JPH3: variants seen among roughly 807,000 people sequenced by gnomAD.
JPH3 encodes junctophilin-3.
A neutral mutation model predicts 59.6 loss-of-function variants in JPH3; 11 were observed. That is an observed-to-expected ratio of 0.18 (90% CI 0.12 to 0.31). The LOEUF (loss-of-function observed/expected upper bound fraction) is 0.31. Among genes scored for constraint, JPH3 ranks in the 10% least tolerant of loss-of-function variants. JPH3 has a pLI of 1.00. For missense variants in JPH3, 1,202 were observed against 1,105.7 expected (o/e 1.09, Z -1.24); for synonymous variants, 673 against 483.6 (o/e 1.39, Z -5.14).
In JPH3 at chr16:87,689,744, CGCAAGG is replaced by C; in HGVS notation, c.1388_1393del (p.Lys463_Gly464del). 1 of 1,612,372 alleles carries C rather than the reference CGCAAGG, an allele frequency of 6.2e-7. No homozygotes were observed. The highest frequency in any genetic ancestry group is 8.5e-7 in the Non-Finnish European group (1 of 1,179,776). ...GCAGCAGGAGAGCCCCGAGCTGTAC[CGCAAGG>C]GCACCACTCCCTCCGACCTGACCCC... On this transcript the variant is annotated inframe_deletion, in exon 4 of 5. Coordinates refer to ENST00000284262, the MANE Select transcript of JPH3 (RefSeq NM_020655.4).
At chr16:87,689,240 G>A (rs747216627) in intron 3 of JPH3, among the ~76,000 whole-genome samples, 14 of 152,104 alleles carry the variant, frequency 9.2e-5, no homozygotes, top group Non-Finnish European at 2.1e-4. Flanking sequence ...TGCTGTGACA[G>A]CTCGGCCTCC....
At chr16:87,647,282 T>C (rs1253110622) in intron 2 of JPH3, among the ~76,000 whole-genome samples, 2 of 151,826 alleles carry the variant, frequency 1.3e-5, no homozygotes, top group African/African-American at 4.8e-5. Context: ...TGGGCACGGC[T>C]CCTACTGAGT....
intron 2 of JPH3, among the ~76,000 whole-genome samples, chr16:87,675,873 T>A (rs2150869449): frequency 6.6e-6 from 1 of 152,210 alleles, no homozygotes; most frequent in Admixed American, 6.5e-5. Context: ...CACCCCTTCC[T>A]CCAGGCTGCC....
intron 4 of JPH3, among the ~76,000 whole-genome samples, chr16:87,691,239 T>G (rs1382204766): frequency 6.6e-6 from 1 of 150,630 alleles, no homozygotes; most frequent in African/African-American, 2.4e-5. Context: ...TGGCCTCCCC[T>G]TGAAGGGACC....
chr16:87,625,783 G>A (rs574682620), intron 1 of JPH3, among the ~76,000 whole-genome samples: 2 of 152,286 alleles, frequency 1.3e-5, no homozygotes, highest in Non-Finnish European at 2.9e-5. Context: ...GGTTTACTGC[G>A]AGCCGTGGGG....
At chr16:87,690,817 G>A (rs760592203) in intron 4 of JPH3, among the ~76,000 whole-genome samples, 2 of 152,230 alleles carry the variant, frequency 1.3e-5, no homozygotes, top group African/African-American at 4.8e-5. Flanking sequence ...TGCGCTCCCC[G>A]CAACGTGCTC....
At chr16:87,671,133 G>C (rs2033003598) in intron 2 of JPH3, among the ~76,000 whole-genome samples, 1 of 152,172 alleles carries the variant, frequency 6.6e-6, no homozygotes, top group African/African-American at 2.4e-5. Flanking sequence ...TGTAACTTGT[G>C]TTAGGGAGTC....
rs201622335 is a variant in JPH3, at chr16:87,689,914, C to T, written c.1554C>T (p.Leu518=). 1 of 1,456,824 alleles carries T rather than the reference C, an allele frequency of 6.9e-7. No homozygotes were observed. The highest frequency in any genetic ancestry group is 1.9e-4 in the Middle Eastern group (1 of 5,340). The allele number at this position is 1,456,824 out of a possible 1,614,324, so 90.2% of individuals were successfully genotyped here. Residue 518 remains leucine, a synonymous_variant, in exon 4 of 5, where the codon CTC becomes CTT. Coordinates refer to ENST00000284262, the MANE Select transcript of JPH3 (RefSeq NM_020655.4). ...AGCGGGGCGGGGACATCCAGATGCTCCTGGAGGGCCGGGCCGGGGACTGCG... is the reference window on the plus strand; with the variant it reads ...AGCGGGGCGGGGACATCCAGATGCTTCTGGAGGGCCGGGCCGGGGACTGCG... ...DEERGGDIQM[L]LEGRAGDCAR... is the part of the protein sequence containing the mutation.
At chr16:87,667,900 T>C (rs79625515) in intron 2 of JPH3, among the ~76,000 whole-genome samples, 8,984 of 152,270 alleles carry the variant, frequency 0.059, 370 homozygotes, top group Non-Finnish European at 0.09. Context: ...TGGCTGCCAT[T>C]GGGCTGTGTT....
In JPH3 at chr16:87,618,096, G is replaced by A. The variant is rs1345014638; in HGVS notation, c.382+14568G>A. ...GGAGAATCACTTCAGCCCGGGAGGT[G>A]CAGGTTGCAGTGAGTTGAGATTGGG... is the stretch of plus-strand genomic sequence containing the variant. On this transcript the variant is annotated intron_variant, in intron 1 of 4. Coordinates refer to ENST00000284262, the MANE Select transcript of JPH3 (RefSeq NM_020655.4). Among the ~76,000 whole-genome samples the A allele has an allele frequency of 2.0e-5, 3 of 152,280 alleles. No homozygotes were observed. The South Asian group carries it at 6.2e-4, about 32-fold the overall frequency.
At chr16:87,630,840 C>T (rs1295102720) in intron 1 of JPH3, among the ~76,000 whole-genome samples, 8 of 152,142 alleles carry the variant, frequency 5.3e-5, no homozygotes, top group Admixed American at 5.2e-4. Flanking sequence ...ATCCCTTAGA[C>T]CCCCATTCTC....
intron 2 of JPH3, among the ~76,000 whole-genome samples, chr16:87,679,314 G>T (rs1187205869): frequency 6.6e-6 from 1 of 152,138 alleles, no homozygotes; most frequent in Non-Finnish European, 1.5e-5. Context: ...ATAAGAGAGG[G>T]GTCACCTGGA....
intron 1 of JPH3, among the ~76,000 whole-genome samples, chr16:87,622,116 G>T (rs2031207316): frequency 6.6e-6 from 1 of 152,142 alleles, no homozygotes; most frequent in Admixed American, 6.5e-5. Flanking sequence ...GGGCCCCTTT[G>T]GGGTGGAGGG....
intron 2 of JPH3, among the ~76,000 whole-genome samples, chr16:87,677,700 A>C (rs1295059763): frequency 6.6e-6 from 1 of 152,182 alleles, no homozygotes; most frequent in African/African-American, 2.4e-5. Flanking sequence ...GATCCAAAGG[A>C]ATTGGCTGGG....
intron 2 of JPH3, among the ~76,000 whole-genome samples, chr16:87,672,651 G>A (rs1334233156): frequency 6.6e-6 from 1 of 151,712 alleles, no homozygotes; most frequent in East Asian, 1.9e-4. Flanking sequence ...GGGTGACGAG[G>A]ACACAGTCGC....
In JPH3 at chr16:87,611,840, G is replaced by T. The variant is rs980802596; in HGVS notation, c.382+8312G>T. Among the ~76,000 whole-genome samples the T allele has an allele frequency of 2.6e-5, 4 of 152,210 alleles. No homozygotes were observed. The highest frequency in any genetic ancestry group is 9.6e-5 in the African/African-American group (4 of 41,460). On this transcript the variant is annotated intron_variant, in intron 1 of 4. Coordinates refer to ENST00000284262, the MANE Select transcript of JPH3 (RefSeq NM_020655.4). The surrounding 1 kb of genome is among the most constrained non-coding windows in gnomAD (Gnocchi z 4.5). Reference sequence around the variant, plus strand: ...CTCACATTAAGAACCACAGTCCTGGGCTTGTGCCTCCTAAGCCTGGCTACA... The same window carrying T: ...CTCACATTAAGAACCACAGTCCTGGTCTTGTGCCTCCTAAGCCTGGCTACA...
chr16:87,692,031 G>A (rs934373593), intron 4 of JPH3, among the ~76,000 whole-genome samples: 5 of 152,096 alleles, frequency 3.3e-5, no homozygotes, highest in African/African-American at 4.8e-5. Context: ...ATGAGTTAGC[G>A]ACACGCAGGG....
intron 2 of JPH3, among the ~76,000 whole-genome samples, chr16:87,664,658 C>T (rs531686112): frequency 1.3e-5 from 2 of 152,282 alleles, no homozygotes; most frequent in African/African-American, 2.4e-5. Flanking sequence ...GTCTCCTCGG[C>T]GAGTGGAGGC....
intron 1 of JPH3, among the ~76,000 whole-genome samples, chr16:87,629,740 C>A (rs942170851): frequency 1.3e-5 from 2 of 152,124 alleles, no homozygotes; most frequent in East Asian, 3.9e-4. Flanking sequence ...AGTCATACTA[C>A]TCTGAGATAC....
Sources: gnomAD v4.1 joint callset for allele counts (sites outside exome capture counted in the v4.1 genomes callset) on GRCh38, gnomAD v4.1.1 for gene constraint, Gnocchi (gnomAD v3.1) non-coding constraint, MANE v1.5 for transcripts, NCBI Gene and HGNC (gene_info 2026-07-23, HGNC 2026-07-21) for gene names.